The following EEA1 variants were observed in gnomAD, a reference collection of about 807,000 sequenced individuals.
The protein encoded by EEA1 is early endosome antigen 1, 162kD.
In EEA1, 111 loss-of-function variants were observed where a neutral mutation model predicts 209.2. The observed-to-expected ratio is 0.53, with a 90% CI of 0.45 to 0.62. EEA1 has a LOEUF of 0.62. Among genes scored for constraint, EEA1 ranks in the 20% least tolerant of loss-of-function variants. The pLI is 0.00. For missense variants in EEA1, 1,343 were observed against 1,530.8 expected, an observed-to-expected ratio of 0.88 and a Z score of 2.05; for synonymous variants, 536 against 540.6, an observed-to-expected ratio of 0.99 and a Z score of 0.12.
rs908617716 is a variant in EEA1, at chr12:92,771,827, T to A, written c.*4184A>T. 1.3e-5 allele frequency: 2 copies of A among 152,010 alleles called. No homozygotes were observed. The highest frequency in any genetic ancestry group is 2.9e-5 in the Non-Finnish European group (2 of 67,916). The allele number at this position is 152,010 out of a possible 1,614,324, so 9.4% of individuals were successfully genotyped here. ...TCCAGCAACCACAGACTTACATGTA[T>A]AAAGGTAGTTTTCTCCCTCTGAATC... On this transcript the variant is annotated 3_prime_UTR_variant, in exon 29 of 29. Coordinates refer to ENST00000322349, the MANE Select transcript of EEA1 (RefSeq NM_003566.4).
At chr12:92,781,812 T>C in intron 23 of EEA1, 138 bp downstream of exon 23, 1 of 624,808 alleles carries the variant, frequency 1.6e-6, no homozygotes, top group East Asian at 3.0e-5. Context: ...TGATCAAAAG[T>C]GTCAGAAACT....
chr12:92,888,040 G>A (rs1297164157), intron 2 of EEA1, among the ~76,000 whole-genome samples: 1 of 152,072 alleles, frequency 6.6e-6, no homozygotes, highest in Non-Finnish European at 1.5e-5. Flanking sequence ...CAGGAGTAGA[G>A]AAAAGGATCC....
Position 92,929,230 on chromosome 12 carries a change from A to C in EEA1, c.-164T>G. 2 of 511,152 alleles carry C rather than the reference A, an allele frequency of 3.9e-6. No individual in the cohort carries two copies. The highest frequency in any genetic ancestry group is 6.5e-6 in the Non-Finnish European group (2 of 308,758). The allele number at this position is 511,152 out of a possible 1,614,324, so 31.7% of individuals were successfully genotyped here. On this transcript the variant is annotated 5_prime_UTR_variant, in exon 1 of 29. Transcript: ENST00000322349. ...CCGCTCGGGCGGCCCCGACTTCCCCACAGGCGGCGAGAGGGAGCACGCGAG... is the reference window on the plus strand; with the variant it reads ...CCGCTCGGGCGGCCCCGACTTCCCCCCAGGCGGCGAGAGGGAGCACGCGAG...
At chr12:92,779,064 T>C (rs537330520) in intron 25 of EEA1, 51 bp downstream of exon 25, 8 of 1,476,136 alleles carry the variant, frequency 5.4e-6, no homozygotes, top group African/African-American at 2.9e-5. Flanking sequence ...TCTCACTGGA[T>C]TGATTTAAAG....
intron 4 of EEA1, 23 bp downstream of exon 4, chr12:92,857,408 G>C (rs770981848): frequency 6.3e-7 from 1 of 1,582,646 alleles, no homozygotes. Context: ...AAAATAAAAA[G>C]GTATAACAAT....
chr12:92,865,111 C>G (rs1878319568), intron 2 of EEA1, 124 bp from the exon 3 acceptor site: 4 of 685,476 alleles, frequency 5.8e-6, no homozygotes, highest in Non-Finnish European at 8.7e-6. Context: ...TAAATTTTAT[C>G]TTATGGTATT....
Position 92,771,137 on chromosome 12 carries a change from A to T in EEA1, c.*4874T>A, listed in dbSNP as rs1029060431. ...CATGGCAGGATATATACTATTAACT[A>T]CATTCAAGGAACTAGTTCTTAGGGT... On this transcript the variant is annotated 3_prime_UTR_variant, in exon 29 of 29. Transcript: ENST00000322349. The T allele has an allele frequency of 6.6e-6, 1 of 152,100 alleles. No homozygotes were observed. Among genetic ancestry groups the T allele is most frequent in the African/African-American group, 2.4e-5 (1 of 41,444 alleles). The allele number at this position is 152,100 out of a possible 1,614,324, so 9.4% of individuals were successfully genotyped here.
chr12:92,834,244 A>G (rs1876803618), intron 10 of EEA1, among the ~76,000 whole-genome samples: 1 of 152,116 alleles, frequency 6.6e-6, no homozygotes, highest in African/African-American at 2.4e-5. Context: ...GAGAGATGAT[A>G]AAAGTATGTA....
intron 13 of EEA1, among the ~76,000 whole-genome samples, chr12:92,822,454 T>C (rs1353737336): frequency 1.3e-5 from 2 of 152,220 alleles, no homozygotes; most frequent in Admixed American, 1.3e-4. Context: ...ACTTCTTAAT[T>C]GCTTACTCTA....
At chr12:92,879,684 A>C (rs1241497196) in intron 2 of EEA1, among the ~76,000 whole-genome samples, 1 of 152,168 alleles carries the variant, frequency 6.6e-6, no homozygotes, top group Non-Finnish European at 1.5e-5. Context: ...CTATTCCCTA[A>C]GTTCACAAAG....
intron 1 of EEA1, among the ~76,000 whole-genome samples, chr12:92,917,286 T>A (rs1210064041): frequency 8.0e-6 from 1 of 124,958 alleles, no homozygotes; most frequent in Non-Finnish European, 1.7e-5. Flanking sequence ...CCAAGACACA[T>A]AATTGTCAGA....
intron 1 of EEA1, among the ~76,000 whole-genome samples, chr12:92,924,897 G>A (rs750903204): frequency 5.7e-5 from 8 of 140,164 alleles, no homozygotes; most frequent in Non-Finnish European, 1.2e-4. Flanking sequence ...TCCATTAGCT[G>A]TCACTTTTTA....
At chr12:92,786,176 T>TA (rs1164496801) in intron 22 of EEA1, among the ~76,000 whole-genome samples, 1 of 152,156 alleles carries the variant, frequency 6.6e-6, no homozygotes, top group Non-Finnish European at 1.5e-5. Context: ...GTCTTGCACT[T>TA]AGACTACTGC....
intron 21 of EEA1, among the ~76,000 whole-genome samples, chr12:92,794,740 G>A (rs1874578109): frequency 6.6e-6 from 1 of 151,550 alleles, no homozygotes; most frequent in Non-Finnish European, 1.5e-5. Context: ...GGGGGGTGGG[G>A]GGCTGGGGGA....
chr12:92,806,419 C>T (rs532250858), intron 18 of EEA1, among the ~76,000 whole-genome samples: 3 of 151,966 alleles, frequency 2.0e-5, no homozygotes, highest in Non-Finnish European at 4.4e-5. Context: ...ACACAATGTA[C>T]CAAAACTGAC....
At chr12:92,904,122 C>T (rs1434473694) in intron 1 of EEA1, among the ~76,000 whole-genome samples, 3 of 152,002 alleles carry the variant, frequency 2.0e-5, no homozygotes, top group Non-Finnish European at 4.4e-5. Context: ...ACCACCACCC[C>T]GGCTAATTTT....
At chr12:92,788,105 T>C in intron 21 of EEA1, 56 bp from the exon 22 acceptor site, 1 of 1,388,870 alleles carries the variant, frequency 7.2e-7, no homozygotes, top group Non-Finnish European at 9.5e-7. Context: ...CAATTACAAA[T>C]ATAAAGTAAA....
At chr12:92,857,583 A>G in intron 3 of EEA1, 98 bp from the exon 4 acceptor site, 1 of 707,754 alleles carries the variant, frequency 1.4e-6, no homozygotes, top group East Asian at 3.0e-5. Flanking sequence ...TTAATATTAT[A>G]GTTTTTTCAA....
chr12:92,898,738 T>A (rs1399232444), intron 1 of EEA1, among the ~76,000 whole-genome samples: 13 of 130,530 alleles, frequency 1.0e-4, no homozygotes, highest in South Asian at 5.3e-4. Context: ...TCCCTTTTTT[T>A]TTTTTTTTTT....
Sources: gnomAD v4.1 joint callset for allele counts (sites outside exome capture counted in the v4.1 genomes callset) on GRCh38, gnomAD v4.1.1 for gene constraint, MANE v1.5 for transcripts, NCBI Gene and HGNC (gene_info 2026-07-23, HGNC 2026-07-21) for gene names.